The following FBXL20 variants were observed in gnomAD, a reference collection of about 807,000 sequenced individuals.
FBXL20 encodes the protein F-box/LRR-repeat protein 20.
FBXL20 carries 11 observed loss-of-function variants against 64.0 expected under a neutral mutation model. The observed-to-expected ratio is 0.17, with a 90% CI of 0.11 to 0.28. FBXL20 has a LOEUF of 0.28. Ranked by LOEUF, FBXL20 falls within the 10% of genes least tolerant of loss-of-function variation. The probability of loss-of-function intolerance (pLI) is 1.00; values close to 1 mark genes in which losing one functional copy is unlikely to be tolerated. For synonymous variants in FBXL20, 184 were observed against 189.0 expected (o/e 0.97, Z 0.22); for missense variants, 303 against 526.2 (o/e 0.58, Z 4.15).
intron 1 of FBXL20, among the ~76,000 whole-genome samples, chr17:39,381,663 C>T (rs2048024409): frequency 6.6e-6 from 1 of 151,772 alleles, no homozygotes; most frequent in Admixed American, 6.6e-5. Context: ...TGGTGGTGTA[C>T]ACTTGTAGTC....
intron 3 of FBXL20, among the ~76,000 whole-genome samples, chr17:39,302,374 C>CTTT (rs35716617): frequency 5.4e-5 from 7 of 129,958 alleles, no homozygotes; most frequent in East Asian, 4.5e-4. Context: ...CCGCATTTGG[C>CTTT]TTTTTTTTTT....
chr17:39,400,194 A>T (rs1471299175), intron 1 of FBXL20, among the ~76,000 whole-genome samples: 1 of 152,204 alleles, frequency 6.6e-6, no homozygotes, highest in African/African-American at 2.4e-5. Flanking sequence ...CAACAGTAAC[A>T]CTGAAGCTCT....
chr17:39,343,352 G>A (rs2047600962), intron 1 of FBXL20, 111 bp from the exon 2 acceptor site: 9 of 662,492 alleles, frequency 1.4e-5, no homozygotes, highest in South Asian at 5.8e-5. Context: ...AAATATAGTC[G>A]GCATCATAAA....
At chr17:39,275,164 AATG>A (rs1426246407) in intron 9 of FBXL20, 64 bp from the exon 10 acceptor site, 161 of 1,496,366 alleles carry the variant, frequency 1.1e-4, no homozygotes, top group Non-Finnish European at 2.3e-5. Flanking sequence ...AAAAGAAAAA[AATG>A]ATAGCTCTGT....
chr17:39,367,390 C>T (rs2047871723), intron 1 of FBXL20, among the ~76,000 whole-genome samples: 1 of 150,110 alleles, frequency 6.7e-6, no homozygotes, highest in Non-Finnish European at 1.5e-5. Flanking sequence ...AATCTCGGCT[C>T]ACTGCAACCT....
At chr17:39,368,482 A>C (rs1002856853) in intron 1 of FBXL20, among the ~76,000 whole-genome samples, 4 of 152,072 alleles carry the variant, frequency 2.6e-5, no homozygotes, top group Admixed American at 2.0e-4. Flanking sequence ...TTCTTAAGAG[A>C]CCTTTTCCTA....
intron 2 of FBXL20, among the ~76,000 whole-genome samples, chr17:39,340,273 T>A (rs1329044197): frequency 1.3e-5 from 2 of 151,964 alleles, no homozygotes; most frequent in African/African-American, 4.8e-5. Flanking sequence ...ATTTTTGTAT[T>A]TTTAGTAGAG....
chr17:39,340,997 CTT>C (rs11462275), intron 2 of FBXL20, among the ~76,000 whole-genome samples: 19 of 119,944 alleles, frequency 1.6e-4, no homozygotes, highest in Non-Finnish European at 2.2e-4. Context: ...CAAAGTTTTG[CTT>C]TTTTTTTTTT....
chr17:39,311,193 G>GTT (rs1267741964), intron 2 of FBXL20, among the ~76,000 whole-genome samples: 3 of 151,892 alleles, frequency 2.0e-5, no homozygotes, highest in African/African-American at 2.4e-5. Context: ...ACAAAACCCC[G>GTT]TGTCACAATA....
chr17:39,385,259 ACAAG>A (rs1483184784), intron 1 of FBXL20, among the ~76,000 whole-genome samples: 1 of 151,766 alleles, frequency 6.6e-6, no homozygotes, highest in Non-Finnish European at 1.5e-5. Flanking sequence ...ACACACACAC[ACAAG>A]CTATGATGGT....
intron 5 of FBXL20, 135 bp downstream of exon 5, chr17:39,298,855 A>T (rs2047109586): frequency 1.5e-6 from 1 of 689,028 alleles, no homozygotes. Flanking sequence ...TTATTACTGG[A>T]TATTTTCAGA....
At chr17:39,262,756 T>C (rs984959726) in intron 14 of FBXL20, among the ~76,000 whole-genome samples, 3 of 151,702 alleles carry the variant, frequency 2.0e-5, no homozygotes, top group African/African-American at 7.3e-5. Context: ...CCCAGCACTT[T>C]GGGAGGCTGA....
chr17:39,371,789 T>C (rs975878673), intron 1 of FBXL20, among the ~76,000 whole-genome samples: 7 of 152,032 alleles, frequency 4.6e-5, no homozygotes, highest in Admixed American at 3.3e-4. Flanking sequence ...GCCTCCCAAG[T>C]AGCTGGGATT....
chr17:39,320,492 T>C (rs899423074), intron 2 of FBXL20, among the ~76,000 whole-genome samples: 4 of 152,084 alleles, frequency 2.6e-5, no homozygotes, highest in African/African-American at 9.7e-5. Flanking sequence ...ACATAACTAT[T>C]AGCATAAGAG....
In FBXL20 at chr17:39,255,388, G is replaced by T. The variant is rs2046686199; in HGVS notation, c.*6072C>A. The stretch of plus-strand genomic sequence containing the variant: ...GGAGGTGGAGCTTGCAGTGAGCCGA[G>T]ATCACGCCACTGCACTCCAGCCTGG... On this transcript the variant is annotated 3_prime_UTR_variant, in exon 15 of 15. Transcript: ENST00000264658. The T allele has an allele frequency of 6.6e-6, 1 of 151,974 alleles. No individual in the cohort carries two copies. The highest frequency in any genetic ancestry group is 1.5e-5 in the Non-Finnish European group (1 of 67,952). 9.4% of individuals were successfully genotyped at this position (151,974 alleles called of 1,614,324 possible). A position where few individuals can be genotyped will look rare whatever the true frequency, so the allele number is the denominator to read the frequency against.
Position 39,343,165 on chromosome 17 carries a change from A to G in FBXL20, c.104+15T>C, listed in dbSNP as rs1567888854. 1 of 1,572,082 alleles carries G rather than the reference A, an allele frequency of 6.4e-7. No individual in the cohort carries two copies. Among genetic ancestry groups the G allele is most frequent in the Non-Finnish European group, 8.6e-7 (1 of 1,163,392 alleles). On this transcript the variant is annotated intron_variant, in intron 2 of 14. Coordinates refer to ENST00000264658, the MANE Select transcript of FBXL20 (RefSeq NM_032875.3). ...TACACATAAAAAAACCCATAAAATTAGCATTCAGACTTACCGTAACAGGAG... is the reference window on the plus strand; with the variant it reads ...TACACATAAAAAAACCCATAAAATTGGCATTCAGACTTACCGTAACAGGAG...
At chr17:39,353,751 T>C (rs1382187028) in intron 1 of FBXL20, among the ~76,000 whole-genome samples, 1 of 151,998 alleles carries the variant, frequency 6.6e-6, no homozygotes, top group Non-Finnish European at 1.5e-5. Flanking sequence ...GCCTCCCAAG[T>C]AGCTGGGATT....
chr17:39,344,234 C>A (rs563690419), intron 1 of FBXL20, among the ~76,000 whole-genome samples: 6 of 151,796 alleles, frequency 4.0e-5, no homozygotes, highest in African/African-American at 1.4e-4. Flanking sequence ...GTCTGTGGTC[C>A]TAGCTACGTG....
chr17:39,298,922 C>CT, intron 5 of FBXL20, 68 bp downstream of exon 5: 1 of 1,303,010 alleles, frequency 7.7e-7, no homozygotes, highest in Non-Finnish European at 1.1e-6. Flanking sequence ...CGATTTTAGC[C>CT]TTTTCTGGGT....
Sources: gnomAD v4.1 joint callset for allele counts (sites outside exome capture counted in the v4.1 genomes callset) on GRCh38, gnomAD v4.1.1 for gene constraint, MANE v1.5 for transcripts, NCBI Gene and HGNC (gene_info 2026-07-23, HGNC 2026-07-21) for gene names.